COG5: variants seen among roughly 807,000 people sequenced by gnomAD.
COG5 encodes component of oligomeric golgi complex 5.
A neutral mutation model predicts 110.4 loss-of-function variants in COG5; 86 were observed. The observed-to-expected ratio is 0.78, with a 90% CI of 0.65 to 0.93. The LOEUF (loss-of-function observed/expected upper bound fraction) is 0.93, where lower values mean the gene tolerates loss of function less well. COG5 is among the 40% of genes least tolerant of loss of function. The probability of loss-of-function intolerance (pLI) is 0.00; values close to 1 mark genes in which losing one functional copy is unlikely to be tolerated. For missense variants in COG5, 1,077 were observed against 987.0 expected, an observed-to-expected ratio of 1.09 and a Z score of -1.22; for synonymous variants, 360 against 334.6, an observed-to-expected ratio of 1.08 and a Z score of -0.83.
In COG5 at chr7:107,362,384, T is replaced by C. The variant is rs1813200370; in HGVS notation, c.872A>G (p.Asn291Ser). The C allele has an allele frequency of 1.2e-6, 2 of 1,613,854 alleles. No homozygotes were observed. Among genetic ancestry groups the C allele is most frequent in the South Asian group, 1.1e-5 (1 of 91,076 alleles). The change falls in exon 9 of 22, where the codon AAT becomes AGT. Residue 291 changes from asparagine to serine, a missense_variant. Asn to Ser is a conservative substitution (Grantham distance 46). Coordinates refer to ENST00000297135, the MANE Select transcript of COG5 (RefSeq NM_006348.5). ...PGRSTMPTPG[N>S]TAALRASFWT... ...GAATGAGGCACGCAAAGCTGCAGTA[T>C]TTCCTGGGGTTGGCATGGTAGATCG...
chr7:107,563,264 C>T (rs1256302394), intron 1 of COG5, among the ~76,000 whole-genome samples: 4 of 152,096 alleles, frequency 2.6e-5, no homozygotes, highest in Admixed American at 2.0e-4. Context: ...AAACCCTCCC[C>T]CACGTGTCAC....
chr7:107,374,410 C>T (rs1288821086), intron 7 of COG5, among the ~76,000 whole-genome samples: 2 of 152,032 alleles, frequency 1.3e-5, no homozygotes, highest in Non-Finnish European at 2.9e-5. Context: ...TACTTTAAAA[C>T]TATATTTATT....
intron 7 of COG5, among the ~76,000 whole-genome samples, chr7:107,380,306 C>T (rs1815002551): frequency 6.6e-6 from 1 of 151,962 alleles, no homozygotes; most frequent in Non-Finnish European, 1.5e-5. Context: ...CAAGAAATAA[C>T]TAACATCAGA....
chr7:107,208,335 ATCAC>A (rs1371295826), intron 21 of COG5: 2 of 985,284 alleles, frequency 2.0e-6, no homozygotes, highest in Non-Finnish European at 1.2e-6. Context: ...TGCTGATGAA[ATCAC>A]TCAGGAGACA....
chr7:107,209,932 AGT>A (rs1799046442), intron 21 of COG5: 3 of 986,634 alleles, frequency 3.0e-6, no homozygotes, highest in Non-Finnish European at 3.6e-6. Flanking sequence ...TGCAGGGAAG[AGT>A]GTTGCTTAAT....
chr7:107,365,177 A>C (rs1315043278), intron 8 of COG5, among the ~76,000 whole-genome samples: 1 of 152,168 alleles, frequency 6.6e-6, no homozygotes, highest in Admixed American at 6.5e-5. Context: ...TAGACTCAAG[A>C]AACAAAATAG....
At position 107,229,647 on chromosome 7, in the gene COG5, G is replaced by A. The variant is rs183616168; in HGVS notation, c.2168+968C>T. Among the ~76,000 whole-genome samples the A allele has an allele frequency of 5.3e-5, 8 of 152,138 alleles. No homozygotes were observed. The East Asian group carries it at 1.5e-3, about 29-fold the overall frequency. ...AAATCTAAGTGTTCAGCACTGACAA[G>A]GACTTTTCTCTCTATTATACTGGTA... is the stretch of plus-strand genomic sequence containing the variant. On this transcript the variant is annotated intron_variant, in intron 19 of 21. Coordinates refer to ENST00000297135, the MANE Select transcript of COG5 (RefSeq NM_006348.5).
chr7:107,402,302 G>C (rs1258990866), intron 7 of COG5, among the ~76,000 whole-genome samples: 1 of 152,140 alleles, frequency 6.6e-6, no homozygotes, highest in Non-Finnish European at 1.5e-5. Context: ...CCACAGGGTC[G>C]AGATTATAGC....
Position 107,558,931 on chromosome 7 carries a change from AAAAAC to A in COG5, c.95-821_95-817del, listed in dbSNP as rs748286104. On this transcript the variant is annotated intron_variant, in intron 1 of 21. Coordinates refer to ENST00000297135, the MANE Select transcript of COG5 (RefSeq NM_006348.5). ...CTTCATCTCAAAAAAAAAAAAAAAA[AAAAAC>A]CATAACTACTAGCTATAACTATTAA... is the stretch of plus-strand genomic sequence containing the variant. 1.3e-3 allele frequency among the ~76,000 whole-genome samples: 185 copies of A among 140,572 alleles called. 2 individuals are homozygous for A. Among genetic ancestry groups the A allele is most frequent in the Non-Finnish European group, 2.1e-3 (136 of 63,806 alleles). 92.2% of individuals were successfully genotyped at this position (140,572 alleles called of 152,430 possible).
intron 6 of COG5, among the ~76,000 whole-genome samples, chr7:107,434,220 A>G (rs930216826): frequency 1.3e-5 from 2 of 152,238 alleles, no homozygotes; most frequent in African/African-American, 4.8e-5. Flanking sequence ...TTGTGTCTAG[A>G]AATGCAAAAT....
In COG5 at chr7:107,474,107, A is replaced by C; in HGVS notation, c.538+53130T>G. On this transcript the variant is annotated intron_variant, in intron 6 of 21. Coordinates refer to ENST00000297135, the MANE Select transcript of COG5 (RefSeq NM_006348.5). This position sits in a 1 kb window ranked among gnomAD's most constrained non-coding sequence, Gnocchi z 5.7. The stretch of plus-strand genomic sequence containing the variant: ...GAAATCAACATGCAGTCTGAATCTA[A>C]CATTACAGTGCGAGATGACATTGAT... 6.2e-7 allele frequency: 1 copy of C among 1,605,220 alleles called. No individual in the cohort carries two copies. Among genetic ancestry groups the C allele is most frequent in the Non-Finnish European group, 8.5e-7 (1 of 1,174,592 alleles).
intron 8 of COG5, among the ~76,000 whole-genome samples, chr7:107,369,998 A>C (rs1469494092): frequency 1.3e-5 from 2 of 152,082 alleles, no homozygotes; most frequent in African/African-American, 4.8e-5. Flanking sequence ...GCCTATTCAT[A>C]TTCTTTATCC....
Position 107,474,668 on chromosome 7 carries a change from A to G in COG5, c.538+52569T>C. 6.2e-7 allele frequency: 1 copy of G among 1,609,232 alleles called. No individual in the cohort carries two copies. Among genetic ancestry groups the G allele is most frequent in the Non-Finnish European group, 8.5e-7 (1 of 1,176,072 alleles). On this transcript the variant is annotated intron_variant, in intron 6 of 21. Transcript: ENST00000297135. This position sits in a 1 kb window ranked among gnomAD's most constrained non-coding sequence, Gnocchi z 5.7. ...CTTTTATGTGTCAGTACAAATGAAT[A>G]CTACACTGAACTGGGAATGTATTAT...
At chr7:107,349,706 G>C (rs189468144) in intron 10 of COG5, among the ~76,000 whole-genome samples, 2,253 of 152,122 alleles carry the variant, frequency 0.015, 54 homozygotes, top group African/African-American at 0.052. Flanking sequence ...TACAGGCGCC[G>C]GCCACCACGC....
intron 6 of COG5, among the ~76,000 whole-genome samples, chr7:107,444,665 A>G (rs1233540665): frequency 1.7e-4 from 26 of 152,214 alleles, no homozygotes; most frequent in South Asian, 2.1e-4. Flanking sequence ...CATATCCCAA[A>G]TCATCAAATA....
chr7:107,385,805 CTTTTT>C (rs57758483), intron 7 of COG5, among the ~76,000 whole-genome samples: 1 of 122,328 alleles, frequency 8.2e-6, no homozygotes, highest in Non-Finnish European at 1.8e-5. Flanking sequence ...TTGTTATTTT[CTTTTT>C]TTTTTTTTTT....
Position 107,406,511 on chromosome 7 carries a change from C to A in COG5, c.669+5991G>T, listed in dbSNP as rs181092675. On this transcript the variant is annotated intron_variant, in intron 7 of 21. Transcript: ENST00000297135. Reference sequence around the variant, plus strand: ...TTAATTTTTAATATGAATTTAAAAACCAAAGAAAAGTCAAACTTGACAACT... The same window carrying A: ...TTAATTTTTAATATGAATTTAAAAAACAAAGAAAAGTCAAACTTGACAACT... 7.5e-3 allele frequency among the ~76,000 whole-genome samples: 1,134 copies of A among 151,884 alleles called. 17 individuals carry two copies. The highest frequency in any genetic ancestry group is 0.026 in the African/African-American group (1,083 of 41,420).
chr7:107,219,758 T>C (rs185348934), intron 19 of COG5, among the ~76,000 whole-genome samples: 56 of 152,268 alleles, frequency 3.7e-4, no homozygotes, highest in Non-Finnish European at 5.6e-4. Context: ...TTGAAATCTA[T>C]TGCACAACAT....
intron 6 of COG5, among the ~76,000 whole-genome samples, chr7:107,517,710 T>A (rs1336961089): frequency 6.6e-6 from 1 of 151,766 alleles, no homozygotes; most frequent in Non-Finnish European, 1.5e-5. Context: ...CCTTTTTTTT[T>A]TTTTTGTGAT....
Sources: allele counts gnomAD v4.1 joint callset (sites outside exome capture counted in the v4.1 genomes callset), GRCh38; gene constraint gnomAD v4.1.1; non-coding constraint Gnocchi (gnomAD v3.1); transcripts MANE v1.5; gene names NCBI Gene and HGNC (gene_info 2026-07-23, HGNC 2026-07-21).